The following PTPRM variants were observed in gnomAD, a reference collection of about 807,000 sequenced individuals.
The protein encoded by PTPRM is receptor-type tyrosine-protein phosphatase mu.
Under a neutral mutation model 186.7 loss-of-function variants are expected in PTPRM, and 47 were observed. That is an observed-to-expected ratio of 0.25 (90% CI 0.20 to 0.32). The LOEUF is 0.32. Among genes scored for constraint, PTPRM ranks in the 10% least tolerant of loss-of-function variants. The pLI, the probability that PTPRM is intolerant of heterozygous loss-of-function variation, is 1.00. For synonymous variants in PTPRM, 668 were observed against 674.9 expected (o/e 0.99, Z 0.16); for missense variants, 1,494 against 1,865.0 (o/e 0.80, Z 3.66).
At position 8,113,755 on chromosome 18, in the gene PTPRM, A is replaced by T; in HGVS notation, c.2126A>T (p.Asn709Ile). 1.2e-6 allele frequency: 2 copies of T among 1,612,708 alleles called. No individual in the cohort carries two copies. The highest frequency in any genetic ancestry group is 1.1e-5 in the South Asian group (1 of 90,972). The change falls in exon 12 of 33, where the codon AAT (asparagine) becomes ATT (isoleucine). Residue 709 changes from asparagine (N) to isoleucine (I), a missense_variant. By Grantham distance (149) the Asn-to-Ile change is moderately radical. Transcript: ENST00000580170. ...RIYFQAASRA[N>I]GETKIDCVQV... is the part of the protein sequence containing the mutation. ...TATTTCCAAGCTGCTAGTAGAGCCA[A>T]TGGGGTAAGTTGTACAGATAACTGT... is the stretch of plus-strand genomic sequence containing the variant.
intron 14 of PTPRM, among the ~76,000 whole-genome samples, chr18:8,181,553 A>T (rs1286569748): frequency 1.3e-5 from 2 of 152,224 alleles, no homozygotes; most frequent in Admixed American, 1.3e-4. Flanking sequence ...CACGGACCAA[A>T]CAAATGACCA....
At chr18:7,650,105 A>G (rs191516719) in intron 1 of PTPRM, among the ~76,000 whole-genome samples, 1 of 152,162 alleles carries the variant, frequency 6.6e-6, no homozygotes, top group Admixed American at 6.6e-5. Flanking sequence ...TTACTGGTAC[A>G]GTATTCAGGG....
At chr18:7,644,939 A>C (rs1346549900) in intron 1 of PTPRM, among the ~76,000 whole-genome samples, 2 of 152,202 alleles carry the variant, frequency 1.3e-5, no homozygotes, top group Non-Finnish European at 1.5e-5. Context: ...TCATTCCTCA[A>C]GGTTGAACAA....
intron 14 of PTPRM, among the ~76,000 whole-genome samples, chr18:8,199,716 A>G (rs2093827376): frequency 6.6e-6 from 1 of 152,192 alleles, no homozygotes; most frequent in African/African-American, 2.4e-5. Context: ...CAATGAGCCT[A>G]AATAAATCCT....
chr18:8,047,980 T>C (rs375207392), intron 7 of PTPRM, among the ~76,000 whole-genome samples: 2 of 152,252 alleles, frequency 1.3e-5, no homozygotes, highest in East Asian at 3.9e-4. Context: ...AGTAAGTGAG[T>C]ATGAATCCGT....
chr18:7,905,854 A>C (rs2049952484), intron 3 of PTPRM, among the ~76,000 whole-genome samples: 1 of 152,140 alleles, frequency 6.6e-6, no homozygotes, highest in Admixed American at 6.5e-5. Context: ...CACATGGTCC[A>C]GTGTGGTCAG....
chr18:7,966,764 G>A (rs1258304232), intron 7 of PTPRM, among the ~76,000 whole-genome samples: 2 of 138,534 alleles, frequency 1.4e-5, no homozygotes, highest in Non-Finnish European at 1.6e-5. Flanking sequence ...AAAAAACGGC[G>A]CACCACGAGA....
At chr18:7,895,351 C>A (rs2049299595) in intron 3 of PTPRM, among the ~76,000 whole-genome samples, 1 of 152,180 alleles carries the variant, frequency 6.6e-6, no homozygotes, top group Admixed American at 6.5e-5. Flanking sequence ...TGCTTTCTCC[C>A]TGCTAAGGCG....
At chr18:8,390,880 A>T (rs1035722156) in intron 31 of PTPRM, among the ~76,000 whole-genome samples, 1 of 151,876 alleles carries the variant, frequency 6.6e-6, no homozygotes, top group South Asian at 2.1e-4. Context: ...GTGAGTCAAG[A>T]TCGTGCCACT....
chr18:8,111,177 A>AT (rs1401707536), intron 11 of PTPRM, among the ~76,000 whole-genome samples: 2 of 152,064 alleles, frequency 1.3e-5, no homozygotes, highest in Non-Finnish European at 2.9e-5. Context: ...TATCTGCAAC[A>AT]TTTTTTTCTT....
At chr18:7,890,995 G>C (rs1198655872) in intron 3 of PTPRM, among the ~76,000 whole-genome samples, 1 of 152,062 alleles carries the variant, frequency 6.6e-6, no homozygotes, top group East Asian at 1.9e-4. Flanking sequence ...GTGGTATCTT[G>C]GCAGGGCACA....
intron 1 of PTPRM, among the ~76,000 whole-genome samples, chr18:7,743,800 A>G (rs1241516733): frequency 1.3e-5 from 2 of 152,230 alleles, no homozygotes; most frequent in Non-Finnish European, 2.9e-5. Context: ...ACTGTAGATT[A>G]AGAATATAGG....
At chr18:7,712,818 GA>G (rs534449040) in intron 1 of PTPRM, among the ~76,000 whole-genome samples, 1 of 151,906 alleles carries the variant, frequency 6.6e-6, no homozygotes, top group Non-Finnish European at 1.5e-5. Context: ...GAAGATTAGA[GA>G]AAAAAGAATG....
At position 7,878,285 on chromosome 18, in the gene PTPRM, T is replaced by C. The variant is rs573412830; in HGVS notation, c.197-9821T>C. 3.9e-5 allele frequency among the ~76,000 whole-genome samples: 6 copies of C among 152,374 alleles called. No individual in the cohort carries two copies. In the South Asian group the frequency reaches 1.2e-3, roughly 32 times the overall value. ...TAAATTCCAGACTTTTGATAATTTA[T>C]AAACTTGATACTGTGTTGTTAGTTT... is the stretch of plus-strand genomic sequence containing the variant. On this transcript the variant is annotated intron_variant, in intron 2 of 32. Transcript: ENST00000580170.
intron 7 of PTPRM, among the ~76,000 whole-genome samples, chr18:8,068,957 A>C (rs547047845): frequency 6.1e-4 from 93 of 151,996 alleles, no homozygotes; most frequent in African/African-American, 2.1e-3. Context: ...CACACACAAA[A>C]AAATTAGCCA....
chr18:7,827,666 C>A (rs530768067), intron 2 of PTPRM, among the ~76,000 whole-genome samples: 5 of 152,350 alleles, frequency 3.3e-5, no homozygotes, highest in Admixed American at 6.5e-5. Flanking sequence ...AAAATGGAAT[C>A]AAACCATACA....
chr18:8,304,578 T>A (rs532169055), intron 20 of PTPRM, among the ~76,000 whole-genome samples: 21 of 152,304 alleles, frequency 1.4e-4, no homozygotes, highest in African/African-American at 4.6e-4. Context: ...CATTTCTTGA[T>A]GGGGTAACAT....
intron 1 of PTPRM, among the ~76,000 whole-genome samples, chr18:7,739,998 T>C (rs143123421): frequency 7.2e-5 from 11 of 152,344 alleles, no homozygotes; most frequent in African/African-American, 2.6e-4. Flanking sequence ...GTTAGCCACA[T>C]TGTGCTGTTT....
intron 14 of PTPRM, among the ~76,000 whole-genome samples, chr18:8,214,812 G>A (rs912339065): frequency 5.9e-5 from 9 of 152,024 alleles, no homozygotes; most frequent in South Asian, 4.2e-4. Context: ...ACAGGCACCC[G>A]CCACCGTGCC....
Sources: gnomAD v4.1 joint callset for allele counts (sites outside exome capture counted in the v4.1 genomes callset) on GRCh38, gnomAD v4.1.1 for gene constraint, MANE v1.5 for transcripts, NCBI Gene and HGNC (gene_info 2026-07-23, HGNC 2026-07-21) for gene names.